The following CC2D2A variants were observed in gnomAD, a reference collection of about 807,000 sequenced individuals.
CC2D2A encodes the protein coiled-coil and C2 domain containing 2A.
A neutral mutation model predicts 212.9 loss-of-function variants in CC2D2A; 155 were observed. The ratio of observed to expected loss-of-function variants is 0.73; its 90% confidence interval spans 0.64 to 0.83. The LOEUF (loss-of-function observed/expected upper bound fraction) is 0.83. Ranked by LOEUF, CC2D2A falls within the 40% of genes least tolerant of loss-of-function variation. CC2D2A has a pLI of 0.00. For synonymous variants in CC2D2A, 667 were observed against 686.5 expected, an observed-to-expected ratio of 0.97 and a Z score of 0.44; for missense variants, 1,856 against 1,956.2, an observed-to-expected ratio of 0.95 and a Z score of 0.97.
chr4:15,545,324 T>C (rs937360292), intron 17 of CC2D2A, among the ~76,000 whole-genome samples: 1 of 152,202 alleles, frequency 6.6e-6, no homozygotes, highest in African/African-American at 2.4e-5. Flanking sequence ...AATGCATCAA[T>C]TGATAACTCA....
chr4:15,492,069 A>G (rs967564545), intron 4 of CC2D2A, among the ~76,000 whole-genome samples: 1 of 152,204 alleles, frequency 6.6e-6, no homozygotes, highest in Non-Finnish European at 1.5e-5. Context: ...AATTTTACTT[A>G]ACTGAAACTG....
In CC2D2A at chr4:15,553,288, G is replaced by C. The variant is rs764020619; in HGVS notation, c.2469G>C (p.Gln823His). 3.7e-6 allele frequency: 6 copies of C among 1,612,772 alleles called. No homozygotes were observed. The highest frequency in any genetic ancestry group is 5.1e-6 in the Non-Finnish European group (6 of 1,179,486). ...CTTTAATTCCTCCATTGTCACAGCA[G>C]AACATCGGATTTCGGAGGTAATACA... Reference protein sequence around the residue: ...GIPLIPPLSQQNIGFRSALKK... With the variant: ...GIPLIPPLSQHNIGFRSALKK... The change falls in exon 19 of 37, where the codon CAG becomes CAC. Residue 823 changes from glutamine (Q) to histidine (H), a missense_variant. By Grantham distance (24) the Gln-to-His change is conservative (BLOSUM62 0). Around this residue, in one of 5 missense-constraint regions of CC2D2A, gnomAD observed 1,512 missense variants for 1,579.3 expected, o/e 0.96. Transcript: ENST00000424120.
intron 23 of CC2D2A, among the ~76,000 whole-genome samples, chr4:15,561,182 A>T (rs537763407): frequency 6.6e-6 from 1 of 152,302 alleles, no homozygotes; most frequent in Admixed American, 6.5e-5. Context: ...TGATTGACTC[A>T]TTAGTTTGGA....
In CC2D2A at chr4:15,500,099, G is replaced by GTATACATATATATATATATA. The variant is rs71179633; in HGVS notation, c.248-2329_248-2328insATACATATATATATATATAT. Among the ~76,000 whole-genome samples, 23 of 69,820 alleles carry GTATACATATATATATATATA rather than the reference G, an allele frequency of 3.3e-4. 1 individual carries two copies. The highest frequency in any genetic ancestry group is 9.8e-4 in the African/African-American group (22 of 22,450). 45.8% of individuals were successfully genotyped at this position (69,820 alleles called of 152,430 possible). A position where few individuals can be genotyped will look rare whatever the true frequency, so the allele number is the denominator to read the frequency against. ...ATTGTGTGTGTGTGTGTGTGTGTGT[G>GTATACATATATATATATATA]TGTGTGTGTATATATATATATATAT... On this transcript the variant is annotated intron_variant, in intron 4 of 36. Coordinates refer to ENST00000424120, the MANE Select transcript of CC2D2A (RefSeq NM_001378615.1).
chr4:15,513,536 A>G (rs1716690473), intron 8 of CC2D2A, among the ~76,000 whole-genome samples: 3 of 152,110 alleles, frequency 2.0e-5, no homozygotes, highest in Non-Finnish European at 4.4e-5. Flanking sequence ...TTTAAATCAC[A>G]CACATTTGGA....
In CC2D2A at chr4:15,567,479, C is replaced by T; in HGVS notation, c.3285C>T (p.Gly1095=). 6.2e-7 allele frequency: 1 copy of T among 1,611,820 alleles called. No homozygotes were observed. Among genetic ancestry groups the T allele is most frequent in the South Asian group, 1.1e-5 (1 of 90,602 alleles). ...CCCACAATGCTGACTACCCCCTCGG[C>T]CAGGTGAGAGATGCTGGACTTCAGC... ...SPTHNADYPL[G]QVLVRPFVEV... The change falls in exon 25 of 37, where the codon GGC becomes GGT. Residue 1095 remains glycine, a synonymous_variant. Coordinates refer to ENST00000424120, the MANE Select transcript of CC2D2A (RefSeq NM_001378615.1).
At chr4:15,536,480 T>G (rs896135977) in intron 14 of CC2D2A, among the ~76,000 whole-genome samples, 10 of 152,286 alleles carry the variant, frequency 6.6e-5, no homozygotes, top group African/African-American at 2.4e-4. Context: ...AAATTAAAAT[T>G]TTTTAAAAAG....
At chr4:15,506,459 T>A (rs1716260775) in intron 6 of CC2D2A, among the ~76,000 whole-genome samples, 1 of 152,194 alleles carries the variant, frequency 6.6e-6, no homozygotes, top group Non-Finnish European at 1.5e-5. Context: ...CTAATTATTT[T>A]CTAGATTACT....
Position 15,529,393 on chromosome 4 carries a change from AAG to A in CC2D2A, c.1466+669_1466+670del, listed in dbSNP as rs1339871071. 1.1e-4 allele frequency among the ~76,000 whole-genome samples: 16 copies of A among 152,160 alleles called. No homozygotes were observed. In the South Asian group the frequency reaches 3.1e-3, roughly 30 times the overall value. On this transcript the variant is annotated intron_variant, in intron 13 of 36. Coordinates refer to ENST00000424120, the MANE Select transcript of CC2D2A (RefSeq NM_001378615.1). ...TGAGACCTTGACTCAAAAAAAAAAAAAGAAAAAAGGAAGCCACTAGAAATAAC... is the reference window on the plus strand; with the variant it reads ...TGAGACCTTGACTCAAAAAAAAAAAAAAAAAAGGAAGCCACTAGAAATAAC...
At chr4:15,548,570 CAA>C (rs35130097) in intron 17 of CC2D2A, among the ~76,000 whole-genome samples, 21 of 128,698 alleles carry the variant, frequency 1.6e-4, no homozygotes, top group Admixed American at 4.5e-4. Context: ...TTAATTCTGG[CAA>C]AAAAAAAAAA....
chr4:15,536,984 G>A lies in CC2D2A; in HGVS notation c.1672G>A (p.Glu558Lys), dbSNP rs766924214. The A allele has an allele frequency of 5.0e-6, 8 of 1,613,734 alleles. No individual in the cohort carries two copies. The Admixed American group carries it at 1.2e-4, about 24-fold the overall frequency. The change falls in exon 15 of 37, where the codon GAA becomes AAA. Residue 558 changes from glutamate (E) to lysine (K), a missense_variant. Coordinates refer to ENST00000424120, the MANE Select transcript of CC2D2A (RefSeq NM_001378615.1). ...YEAEIQAEIS[E>K]LLEEHTEEYA... ...AGCAGAAATTCAAGCTGAAATAAGT[G>A]AACTGTTAGAAGAGCACACGGAGGA...
intron 16 of CC2D2A, among the ~76,000 whole-genome samples, chr4:15,539,746 T>C (rs1279519583): frequency 6.6e-6 from 1 of 152,214 alleles, no homozygotes; most frequent in Admixed American, 6.5e-5. Flanking sequence ...CACAGCATGC[T>C]TTCTAAAAGG....
chr4:15,597,290 A>G (rs1721359702), intron 34 of CC2D2A, 117 bp from the exon 35 acceptor site: 1 of 760,426 alleles, frequency 1.3e-6, no homozygotes, highest in Non-Finnish European at 2.3e-6. Context: ...AGCATGCATT[A>G]TATTATTTTC....
chr4:15,533,446 TC>T, intron 14 of CC2D2A, 113 bp downstream of exon 14: 2 of 737,178 alleles, frequency 2.7e-6, no homozygotes, highest in Non-Finnish European at 2.1e-6. Flanking sequence ...TGTAACCACT[TC>T]CCAGGTTAAG....
At chr4:15,527,697 G>C in intron 12 of CC2D2A, 41 bp downstream of exon 12, 1 of 1,482,328 alleles carries the variant, frequency 6.7e-7, no homozygotes, top group South Asian at 1.2e-5. Flanking sequence ...AATGGAGTTG[G>C]TTCTTCCAAT....
rs748766572 is a variant in CC2D2A at position 15,574,319 on chromosome 4, G to A, written c.3764G>A (p.Arg1255Gln). ...EPQLVPGESI[R>Q]EKFESQEDEK... Reference sequence around the variant, plus strand: ...CAGCTGGTTCCTGGAGAGTCCATTCGAGAAAAGGTAACTACTTATAGTTTG... The same window carrying A: ...CAGCTGGTTCCTGGAGAGTCCATTCAAGAAAAGGTAACTACTTATAGTTTG... Residue 1255 changes from arginine (R) to glutamine (Q), a missense_variant, in exon 29 of 37, where the codon CGA becomes CAA. This residue lies in a region of CC2D2A where 1,512 missense variants were observed against 1,579.3 expected (regional missense o/e 0.96). Coordinates refer to ENST00000424120, the MANE Select transcript of CC2D2A (RefSeq NM_001378615.1). 9 of 1,547,044 alleles carry A rather than the reference G, an allele frequency of 5.8e-6. No homozygotes were observed. The South Asian group carries it at 1.1e-4, about 19-fold the overall frequency.
intron 30 of CC2D2A, among the ~76,000 whole-genome samples, chr4:15,583,149 T>TA (rs1209367650): frequency 6.6e-6 from 1 of 152,090 alleles, no homozygotes; most frequent in Non-Finnish European, 1.5e-5. Flanking sequence ...TCCCTCATGA[T>TA]AAAAACTCAA....
intron 13 of CC2D2A, among the ~76,000 whole-genome samples, chr4:15,530,974 G>A (rs1323555993): frequency 6.6e-6 from 1 of 152,188 alleles, no homozygotes; most frequent in African/African-American, 2.4e-5. Context: ...GAATGGTCAT[G>A]CAACATAGGA....
chr4:15,544,809 G>A (rs924852471), intron 17 of CC2D2A, among the ~76,000 whole-genome samples: 1 of 152,204 alleles, frequency 6.6e-6, no homozygotes, highest in Non-Finnish European at 1.5e-5. Context: ...TGCTGTGGAT[G>A]TTACAGTCAA....
Sources: gnomAD v4.1 joint callset for allele counts (sites outside exome capture counted in the v4.1 genomes callset) on GRCh38, gnomAD v4.1.1 for gene constraint, gnomAD v4.1.1 regional missense constraint, MANE v1.5 for transcripts, NCBI Gene and HGNC (gene_info 2026-07-23, HGNC 2026-07-21) for gene names.